Variants in TNFRSF8 observed in about 807,000 individuals in gnomAD.
The protein encoded by TNFRSF8 is TNF receptor superfamily member 8, also known as tumor necrosis factor receptor superfamily member 8.
TNFRSF8 carries 26 observed loss-of-function variants against 70.8 expected under a neutral mutation model. The ratio of observed to expected loss-of-function variants is 0.37; its 90% CI spans 0.27 to 0.51. The LOEUF (loss-of-function observed/expected upper bound fraction) is 0.51. Ranked by LOEUF, TNFRSF8 falls within the 20% of genes least tolerant of loss-of-function variation. TNFRSF8 has a pLI of 0.94. For synonymous variants in TNFRSF8, 356 were observed against 339.2 expected (o/e 1.05, Z -0.54); for missense variants, 720 against 807.9 (o/e 0.89, Z 1.32).
At position 12,110,341 on chromosome 1, in the gene TNFRSF8, A is replaced by G. The variant is rs1641608024; in HGVS notation, c.676+137A>G. ...TGGGGAGAGAAGACGGTGGTAAGGTATGATCTAGGGCTGAAAGCATTGAGG... is the reference window on the plus strand; with the variant it reads ...TGGGGAGAGAAGACGGTGGTAAGGTGTGATCTAGGGCTGAAAGCATTGAGG... On this transcript the variant is annotated intron_variant, in intron 6 of 14. Transcript: ENST00000263932. This position sits in a 1 kb window ranked among gnomAD's most constrained non-coding sequence, Gnocchi z 4.0. 1 of 931,810 alleles carries G rather than the reference A, an allele frequency of 1.1e-6. No individual in the cohort carries two copies. Among genetic ancestry groups the G allele is most frequent in the South Asian group, 1.9e-5 (1 of 52,336 alleles). 57.7% of individuals were successfully genotyped at this position (931,810 alleles called of 1,614,324 possible).
intron 1 of TNFRSF8, chr1:12,080,200 C>T: frequency 2.0e-6 from 1 of 492,576 alleles, no homozygotes. Context: ...CTGCTGGCCT[C>T]AGCCTCCCAG....
intron 12 of TNFRSF8, among the ~76,000 whole-genome samples, chr1:12,133,608 T>G (rs1300258492): frequency 6.7e-6 from 1 of 150,232 alleles, no homozygotes; most frequent in Non-Finnish European, 1.5e-5. Flanking sequence ...AGCATGGTGG[T>G]GCGTGCCTGT....
At chr1:12,107,047 C>T (rs899548998) in intron 4 of TNFRSF8, among the ~76,000 whole-genome samples, 3 of 152,224 alleles carry the variant, frequency 2.0e-5, no homozygotes, top group African/African-American at 7.2e-5. Context: ...TGCCCCTGGA[C>T]CCCAGCTGCC....
chr1:12,138,191 G>C lies in TNFRSF8; in HGVS notation c.1336-38G>C. 1.3e-6 allele frequency: 2 copies of C among 1,599,574 alleles called. No individual in the cohort carries two copies. The highest frequency in any genetic ancestry group is 1.7e-6 in the Non-Finnish European group (2 of 1,169,620). On this transcript the variant is annotated intron_variant, in intron 13 of 14. Transcript: ENST00000263932. The surrounding 1 kb of genome is among the most constrained non-coding windows in gnomAD (Gnocchi z 5.7). ...CAGTTCAGAGACTGGTGGGGAGGTT[G>C]GGGGTACCCTGCAGCAGCACCCATT... is the stretch of plus-strand genomic sequence containing the variant.
intron 14 of TNFRSF8, among the ~76,000 whole-genome samples, chr1:12,140,466 G>A (rs1642231433): frequency 6.6e-6 from 1 of 152,148 alleles, no homozygotes; most frequent in South Asian, 2.1e-4. Flanking sequence ...TAGCCAAGAT[G>A]AATTCCCTGG....
At chr1:12,066,960 CT>C (rs1234128814) in intron 1 of TNFRSF8, among the ~76,000 whole-genome samples, 3 of 152,078 alleles carry the variant, frequency 2.0e-5, no homozygotes, top group African/African-American at 7.2e-5. Flanking sequence ...TCCTGAAGTT[CT>C]TTTTTCATCT....
chr1:12,123,394 TTC>T lies in TNFRSF8; in HGVS notation c.1040+23_1040+24del, dbSNP rs772716666. ...GCCTGCCAGGTGACTCCCCCACCCC[TTC>T]TCTCTGTTTGGCTGCTGCAGGAGGG... is the stretch of plus-strand genomic sequence containing the variant. On this transcript the variant is annotated intron_variant, in intron 9 of 14. Transcript: ENST00000263932. The T allele has an allele frequency of 3.8e-6, 6 of 1,591,360 alleles. No individual in the cohort carries two copies. The highest frequency in any genetic ancestry group is 4.3e-6 in the Non-Finnish European group (5 of 1,168,252).
At chr1:12,071,138 G>T (rs993402129) in intron 1 of TNFRSF8, among the ~76,000 whole-genome samples, 1 of 152,138 alleles carries the variant, frequency 6.6e-6, no homozygotes, top group African/African-American at 2.4e-5. Flanking sequence ...CAACATGAAG[G>T]TATTGTCTTA....
intron 1 of TNFRSF8, among the ~76,000 whole-genome samples, chr1:12,065,078 CTTTTTTTTT>C (rs773549918): frequency 1.1e-5 from 1 of 88,262 alleles, no homozygotes; most frequent in East Asian, 3.5e-4. Context: ...CATACCAAAC[CTTTTTTTTT>C]TTTTTTTTTT....
In TNFRSF8 at chr1:12,141,285, C is replaced by T. The variant is rs626175; in HGVS notation, c.1544-1002C>T. 1.1e-4 allele frequency among the ~76,000 whole-genome samples: 16 copies of T among 152,130 alleles called. No individual in the cohort carries two copies. Among genetic ancestry groups the T allele is most frequent in the African/African-American group, 3.1e-4 (13 of 41,508 alleles). On this transcript the variant is annotated intron_variant, in intron 14 of 14. Coordinates refer to ENST00000263932, the MANE Select transcript of TNFRSF8 (RefSeq NM_001243.5). This position sits in a 1 kb window ranked among gnomAD's most constrained non-coding sequence, Gnocchi z 5.4. ...CCCCATTCTGGCCTCCAGAGTCCAGCGCAGAACAGCTGGGAGCCAGCCCAC... is the reference window on the plus strand; with the variant it reads ...CCCCATTCTGGCCTCCAGAGTCCAGTGCAGAACAGCTGGGAGCCAGCCCAC...
chr1:12,129,976 C>CTGGGA (rs1642017488), intron 12 of TNFRSF8, among the ~76,000 whole-genome samples: 1 of 150,460 alleles, frequency 6.6e-6, no homozygotes, highest in Non-Finnish European at 1.5e-5. Flanking sequence ...GTGATCTCGG[C>CTGGGA]TTACTGCAAC....
At chr1:12,097,312 G>C in intron 3 of TNFRSF8, 95 bp downstream of exon 3, 1 of 857,758 alleles carries the variant, frequency 1.2e-6, no homozygotes, top group South Asian at 1.5e-5. Context: ...AGAGCATCAT[G>C]ATTTGATGTC....
rs1642276776 is a variant in TNFRSF8, at chr1:12,142,615, C to T, written c.*84C>T. 1 of 1,493,312 alleles carries T rather than the reference C, an allele frequency of 6.7e-7. No homozygotes were observed. The allele number at this position is 1,493,312 out of a possible 1,614,324, so 92.5% of individuals were successfully genotyped here. ...GCACTGTTGGCACCGAGGTTGGGGG[C>T]AGAGGCCCATCTGGCCTGAACTGAG... is the stretch of plus-strand genomic sequence containing the variant. On this transcript the variant is annotated 3_prime_UTR_variant, in exon 15 of 15. Coordinates refer to ENST00000263932, the MANE Select transcript of TNFRSF8 (RefSeq NM_001243.5). This position sits in a 1 kb window ranked among gnomAD's most constrained non-coding sequence, Gnocchi z 5.0.
intron 12 of TNFRSF8, among the ~76,000 whole-genome samples, chr1:12,130,454 C>T (rs1382742747): frequency 6.6e-6 from 1 of 152,148 alleles, no homozygotes; most frequent in Non-Finnish European, 1.5e-5. Flanking sequence ...CCTGCCCCGG[C>T]CCTGGAATCA....
chr1:12,137,013 G>A (rs560685818), intron 13 of TNFRSF8, among the ~76,000 whole-genome samples: 2 of 151,978 alleles, frequency 1.3e-5, no homozygotes, highest in South Asian at 4.2e-4. Context: ...AAAGGTCTCT[G>A]GTTTTCCTAG....
chr1:12,066,735 C>G (rs757649195), intron 1 of TNFRSF8, among the ~76,000 whole-genome samples: 1 of 152,010 alleles, frequency 6.6e-6, no homozygotes, highest in African/African-American at 2.4e-5. Context: ...TCACTGCAAC[C>G]TCTGCCTCCT....
chr1:12,100,072 A>AGC (rs1237757209), intron 3 of TNFRSF8, among the ~76,000 whole-genome samples: 6 of 152,150 alleles, frequency 3.9e-5, no homozygotes, highest in African/African-American at 1.4e-4. Context: ...AAGAGGCTGA[A>AGC]GCAGAAGAAT....
chr1:12,075,250 A>AT (rs1640917962), intron 1 of TNFRSF8, among the ~76,000 whole-genome samples: 8 of 137,218 alleles, frequency 5.8e-5, no homozygotes, highest in African/African-American at 1.4e-4. Flanking sequence ...CCAAAAAAAA[A>AT]ATTTTTTTTT....
intron 1 of TNFRSF8, among the ~76,000 whole-genome samples, chr1:12,077,517 G>A (rs1640987099): frequency 6.6e-6 from 1 of 152,194 alleles, no homozygotes; most frequent in Non-Finnish European, 1.5e-5. Flanking sequence ...AAAGAAACAA[G>A]ACCTCAGTCC....
Sources: gnomAD v4.1 joint callset for allele counts (sites outside exome capture counted in the v4.1 genomes callset) on GRCh38, gnomAD v4.1.1 for gene constraint, Gnocchi (gnomAD v3.1) non-coding constraint, MANE v1.5 for transcripts, NCBI Gene and HGNC (gene_info 2026-07-23, HGNC 2026-07-21) for gene names.